Variants in CFAP46 observed in about 807,000 individuals in gnomAD.
CFAP46 encodes the protein cilia and flagella associated protein 46.
In CFAP46, 245 loss-of-function variants were observed where a neutral mutation model predicts 325.7. The observed-to-expected ratio is 0.75, with a 90% confidence interval of 0.68 to 0.84. CFAP46 has a LOEUF of 0.84. Ranked by LOEUF, CFAP46 falls within the 40% of genes least tolerant of loss-of-function variation. The pLI is 0.00. For missense variants in CFAP46, 3,346 were observed against 3,543.0 expected (o/e 0.94, Z 1.41); for synonymous variants, 1,523 against 1,495.9 (o/e 1.02, Z -0.42).
chr10:132,840,052 T>C (rs1260654053), intron 44 of CFAP46, among the ~76,000 whole-genome samples: 1 of 152,244 alleles, frequency 6.6e-6, no homozygotes, highest in African/African-American at 2.4e-5. Flanking sequence ...GGTTATTTAT[T>C]CTTCCAGTTT....
chr10:132,921,093 G>A (rs114404302), intron 13 of CFAP46, among the ~76,000 whole-genome samples: 3,913 of 152,342 alleles, frequency 0.026, 76 homozygotes, highest in African/African-American at 0.051. Flanking sequence ...CCCACCCTGC[G>A]TCTGCCCATC....
chr10:132,851,002 A>ACCT, intron 40 of CFAP46, 115 bp downstream of exon 40: 1 of 1,245,370 alleles, frequency 8.0e-7, no homozygotes, highest in Non-Finnish European at 1.1e-6. Flanking sequence ...TCCCCAGCTG[A>ACCT]CCCGCACCGC....
chr10:132,919,371 C>T lies in CFAP46; in HGVS notation c.1802G>A (p.Ser601Asn). 6.5e-7 allele frequency: 1 copy of T among 1,550,172 alleles called. No homozygotes were observed. Among genetic ancestry groups the T allele is most frequent in the Non-Finnish European group, 8.7e-7 (1 of 1,146,912 alleles). Reference protein sequence around the residue: ...QGVWDVCRTASRFCLLYDNVK... With the variant: ...QGVWDVCRTANRFCLLYDNVK... ...GTTGTCATACAGGAGGCAGAAGCGGCTCGCCGTCCGACAGACGTCCCACAC... is the reference window on the plus strand; with the variant it reads ...GTTGTCATACAGGAGGCAGAAGCGGTTCGCCGTCCGACAGACGTCCCACAC... The change falls in exon 15 of 58, where the codon AGC becomes AAC. Residue 601 changes from serine (S) to asparagine (N), a missense_variant. Transcript: ENST00000368586. This position sits in a 1 kb window ranked among gnomAD's most constrained non-coding sequence, Gnocchi z 9.7.
At chr10:132,909,023 G>T in intron 21 of CFAP46, 114 bp downstream of exon 21, 1 of 715,588 alleles carries the variant, frequency 1.4e-6, no homozygotes, top group Non-Finnish European at 2.3e-6. Context: ...GGAGAGCGGG[G>T]CAGAGTGGGG....
chr10:132,845,407 G>A (rs10870340), intron 44 of CFAP46, among the ~76,000 whole-genome samples: 23,802 of 152,064 alleles, frequency 0.16, 2,216 homozygotes, highest in African/African-American at 0.27. Flanking sequence ...TGCTGCCCCC[G>A]CCCCACCCTC....
intron 18 of CFAP46, 31 bp downstream of exon 18, chr10:132,913,015 C>T (rs2135553297): frequency 1.9e-6 from 3 of 1,543,298 alleles, no homozygotes; most frequent in Non-Finnish European, 2.6e-6. Flanking sequence ...GAAGCCCCTC[C>T]CTGCGTGAAC....
Position 132,940,073 on chromosome 10 carries a change from C to CT in CFAP46, c.371+922dup, listed in dbSNP as rs1328005367. 2.6e-5 allele frequency among the ~76,000 whole-genome samples: 4 copies of CT among 152,094 alleles called. No homozygotes were observed. In the East Asian group the frequency reaches 7.8e-4, roughly 30 times the overall value. On this transcript the variant is annotated intron_variant, in intron 4 of 57. Coordinates refer to ENST00000368586, the MANE Select transcript of CFAP46 (RefSeq NM_001200049.3). ...CGTCACAGCACCCTTGGAAATACCC[C>CT]TTGTCTTTAGAATCTGTGGCTTGAG...
In CFAP46 at chr10:132,847,420, G is replaced by T; in HGVS notation, c.5953-99C>A. ...GAGGCCGGGGTGGTCGGGCTCCTCA[G>T]CAGGGTCCCCGGGTAGGGGGTACCG... On this transcript the variant is annotated intron_variant, in intron 41 of 57. Transcript: ENST00000368586. This position sits in a 1 kb window ranked among gnomAD's most constrained non-coding sequence, Gnocchi z 5.2. The T allele has an allele frequency of 6.8e-7, 1 of 1,460,752 alleles. No individual in the cohort carries two copies. The highest frequency in any genetic ancestry group is 9.4e-7 in the Non-Finnish European group (1 of 1,062,184). 90.5% of individuals were successfully genotyped at this position (1,460,752 alleles called of 1,614,324 possible). A position where few individuals can be genotyped will look rare whatever the true frequency, so the allele number is the denominator to read the frequency against.
At chr10:132,892,567 T>C in intron 24 of CFAP46, 150 bp from the exon 25 acceptor site, 3 of 664,412 alleles carry the variant, frequency 4.5e-6, no homozygotes, top group East Asian at 2.8e-5. Context: ...CCTGACAATG[T>C]TGTACCGGCC....
intron 32 of CFAP46, among the ~76,000 whole-genome samples, chr10:132,871,824 T>TGGC (rs1258141208): frequency 1.3e-5 from 2 of 152,244 alleles, no homozygotes; most frequent in African/African-American, 4.8e-5. Context: ...GTTGATAAAG[T>TGGC]GGCAGCAGCA....
rs922241734 is a variant in CFAP46, at chr10:132,832,012, T to G, written c.7117+1346A>C. Among the ~76,000 whole-genome samples the G allele has an allele frequency of 1.3e-5, 2 of 152,222 alleles. No individual in the cohort carries two copies. Among genetic ancestry groups the G allele is most frequent in the Non-Finnish European group, 2.9e-5 (2 of 68,040 alleles). ...CCACTTTCTCCAGAGGATGGAGACTTTAAATACTTTGCTTCCATTCCCTCC... is the reference window on the plus strand; with the variant it reads ...CCACTTTCTCCAGAGGATGGAGACTGTAAATACTTTGCTTCCATTCCCTCC... On this transcript the variant is annotated intron_variant, in intron 50 of 57. Coordinates refer to ENST00000368586, the MANE Select transcript of CFAP46 (RefSeq NM_001200049.3). The surrounding 1 kb of genome is among the most constrained non-coding windows in gnomAD (Gnocchi z 4.1).
chr10:132,921,379 C>T lies in CFAP46; in HGVS notation c.1606+725G>A, dbSNP rs1849720159. ...AGCCACTGGCGAGTGCCCAGAGAAG[C>T]TCGGGCAGTGAGGATGCAACACACC... On this transcript the variant is annotated intron_variant, in intron 13 of 57. Coordinates refer to ENST00000368586, the MANE Select transcript of CFAP46 (RefSeq NM_001200049.3). Among the ~76,000 whole-genome samples, 11 of 152,336 alleles carry T rather than the reference C, an allele frequency of 7.2e-5. No individual in the cohort carries two copies. In the South Asian group the frequency reaches 2.3e-3, roughly 32 times the overall value.
chr10:132,918,704 G>T (rs868059103), intron 15 of CFAP46, among the ~76,000 whole-genome samples, 184 bp from the exon 16 acceptor site: 6 of 152,184 alleles, frequency 3.9e-5, no homozygotes, highest in African/African-American at 4.8e-5. Context: ...AGCTCTCCGT[G>T]GGATGGCGGA....
intron 6 of CFAP46, 59 bp downstream of exon 6, chr10:132,937,493 G>C (rs1225896484): frequency 1.2e-6 from 2 of 1,602,904 alleles, no homozygotes; most frequent in Non-Finnish European, 8.5e-7. Flanking sequence ...GCAGTTTTCT[G>C]AACAATGACT....
chr10:132,924,746 G>A lies in CFAP46; in HGVS notation c.1206C>T (p.His402=). The part of the protein sequence containing the change: ...LPLLQHNLRH[H]LRKPLAGVAD... ...CAACGCCAGCCAGGGGCTTCCGCAG[G>A]TGGTGCCGCAGGTTGTGCTGCAGCA... is the stretch of plus-strand genomic sequence containing the variant. The change falls in exon 11 of 58, where the codon CAC becomes CAT. Residue 402 remains histidine (H), a synonymous_variant. Transcript: ENST00000368586. 6.5e-7 allele frequency: 1 copy of A among 1,539,932 alleles called. No individual in the cohort carries two copies. Among genetic ancestry groups the A allele is most frequent in the Non-Finnish European group, 8.8e-7 (1 of 1,142,152 alleles).
chr10:132,822,654 G>C (rs1591034761), intron 50 of CFAP46, among the ~76,000 whole-genome samples: 1 of 145,616 alleles, frequency 6.9e-6, no homozygotes, highest in African/African-American at 2.6e-5. Context: ...GCGCTGATGT[G>C]TGCTGTGTGT....
chr10:132,846,357 T>C, intron 43 of CFAP46, 130 bp from the exon 44 acceptor site: 1 of 1,154,872 alleles, frequency 8.7e-7, no homozygotes, highest in Non-Finnish European at 1.2e-6. Context: ...AAGGCTCCCC[T>C]GGGATGCTGG....
At chr10:132,813,740 G>A (rs1202884274) in intron 54 of CFAP46, among the ~76,000 whole-genome samples, 1 of 152,074 alleles carries the variant, frequency 6.6e-6, no homozygotes, top group Non-Finnish European at 1.5e-5. Flanking sequence ...AGCCTGTGAC[G>A]TGGAACGATC....
At chr10:132,872,917 A>T (rs1315606927) in intron 31 of CFAP46, 93 bp from the exon 32 acceptor site, 2 of 1,375,270 alleles carry the variant, frequency 1.5e-6, no homozygotes, top group African/African-American at 2.9e-5. Flanking sequence ...CTCCCTCCCC[A>T]TGCCAGCACA....
Sources: gnomAD v4.1 joint callset for allele counts (sites outside exome capture counted in the v4.1 genomes callset) on GRCh38, gnomAD v4.1.1 for gene constraint, Gnocchi (gnomAD v3.1) non-coding constraint, MANE v1.5 for transcripts, NCBI Gene and HGNC (gene_info 2026-07-23, HGNC 2026-07-21) for gene names.